The following CD1A variants were observed in gnomAD, a reference collection of about 807,000 sequenced individuals.
CD1A encodes T-cell surface glycoprotein CD1a.
A neutral mutation model predicts 38.3 loss-of-function variants in CD1A; 50 were observed. The ratio of observed to expected loss-of-function variants is 1.30; its 90% CI spans 1.04 to 1.65. CD1A has a LOEUF of 1.65. Among genes scored for constraint, CD1A ranks in the 40% most tolerant of loss-of-function variants. CD1A has a pLI of 0.00. For missense variants in CD1A, 459 were observed against 406.1 expected (o/e 1.13, Z -1.12); for synonymous variants, 160 against 150.8 (o/e 1.06, Z -0.45).
intron 5 of CD1A, 72 bp from the exon 6 acceptor site, chr1:158,257,609 C>G: frequency 1.9e-6 from 3 of 1,570,496 alleles, no homozygotes; most frequent in Non-Finnish European, 2.6e-6. Context: ...TCTCCCCAGT[C>G]CCCTTCCCTC....
At chr1:158,255,387 G>C in intron 2 of CD1A, 37 bp downstream of exon 2, 1 of 1,598,376 alleles carries the variant, frequency 6.3e-7, no homozygotes, top group African/African-American at 1.3e-5. Context: ...TGGTGAGGTG[G>C]GAGAGAGGGG....
Position 158,258,220 on chromosome 1 carries a change from C to A in CD1A, c.*530C>A, listed in dbSNP as rs1338366011. On this transcript the variant is annotated 3_prime_UTR_variant, in exon 6 of 6. Transcript: ENST00000289429. ...TATGCATCCCTGGTGAAGGATCTTG[C>A]CTGCATGAAACATGTTCTCAATAAA... The A allele has an allele frequency of 6.5e-6, 1 of 153,286 alleles. No individual in the cohort carries two copies. Among genetic ancestry groups the A allele is most frequent in the Non-Finnish European group, 1.5e-5 (1 of 68,792 alleles). The allele number at this position is 153,286 out of a possible 1,614,324, so 9.5% of individuals were successfully genotyped here.
chr1:158,253,222 G>A (rs1417107682), upstream of CD1A, among the ~76,000 whole-genome samples: 1 of 152,004 alleles, frequency 6.6e-6, no homozygotes, highest in Admixed American at 6.6e-5. Flanking sequence ...ATATTTAGAA[G>A]CCCTTCAACA....
chr1:158,256,931 G>A lies in CD1A; in HGVS notation c.750G>A (p.Gly250=). The A allele has an allele frequency of 1.2e-6, 2 of 1,614,200 alleles. No homozygotes were observed. The highest frequency in any genetic ancestry group is 1.7e-6 in the Non-Finnish European group (2 of 1,180,040). Reference sequence around the variant, plus strand: ...AGGAGCAGCAGGGCACTCAGCGAGGGGACATCTTGCCCAGTGCTGATGGGA... The same window carrying A: ...AGGAGCAGCAGGGCACTCAGCGAGGAGACATCTTGCCCAGTGCTGATGGGA... ...GEQEQQGTQR[G]DILPSADGTW... Residue 250 remains glycine, a synonymous_variant, in exon 4 of 6, where the codon GGG becomes GGA. Coordinates refer to ENST00000289429, the MANE Select transcript of CD1A (RefSeq NM_001763.3).
Position 158,255,121 on chromosome 1 carries a change from C to G in CD1A, c.96C>G (p.Ile32Met). ...CTCTCTCCTTCCATGTCACCTGGAT[C>G]GCATCCTTTTACAACCATTCCTGGA... ...KEPLSFHVTW[I>M]ASFYNHSWKQ... Residue 32 changes from isoleucine to methionine, a missense_variant, in exon 2 of 6, where the codon ATC becomes ATG. Physicochemically the swap from Ile to Met is conservative, Grantham distance 10. Transcript: ENST00000289429. 6.2e-7 allele frequency: 1 copy of G among 1,614,004 alleles called. No individual in the cohort carries two copies. Among genetic ancestry groups the G allele is most frequent in the African/African-American group, 1.3e-5 (1 of 74,970 alleles).
In CD1A at chr1:158,254,696, A is replaced by G. The variant is rs766985505; in HGVS notation, c.27A>G (p.Leu9=). MLFLLLPL[L]AVLPGDGNAD... The stretch of plus-strand genomic sequence containing the variant: ...TGCTGTTTTTGCTACTTCCATTGTT[A>G]GCTGTTCTCCCAGGTGATGGCAATG... The change falls in exon 1 of 6, where the codon TTA becomes TTG. Residue 9 remains leucine, a synonymous_variant. Coordinates refer to ENST00000289429, the MANE Select transcript of CD1A (RefSeq NM_001763.3). The G allele has an allele frequency of 3.1e-6, 5 of 1,613,838 alleles. No individual in the cohort carries two copies. Among genetic ancestry groups the G allele is most frequent in the Non-Finnish European group, 4.2e-6 (5 of 1,179,956 alleles).
rs1012509994 is a variant in CD1A, at chr1:158,257,006, C to T, written c.825C>T (p.Asp275=). The T allele has an allele frequency of 2.5e-6, 4 of 1,614,028 alleles. No individual in the cohort carries two copies. The African/African-American group carries it at 4.0e-5, about 16-fold the overall frequency. ...TLEVAAGEAA[D]LSCRVKHSSL... The stretch of plus-strand genomic sequence containing the variant: ...AGGTGGCCGCTGGGGAGGCAGCTGA[C>T]CTGTCCTGTCGGGTGAAGCACAGCA... Residue 275 remains aspartate, a synonymous_variant, in exon 4 of 6, where the codon GAC becomes GAT. Coordinates refer to ENST00000289429, the MANE Select transcript of CD1A (RefSeq NM_001763.3).
chr1:158,249,462 A>G (rs993404629), upstream of CD1A, among the ~76,000 whole-genome samples: 13 of 152,076 alleles, frequency 8.5e-5, no homozygotes, highest in African/African-American at 3.1e-4. Context: ...AAGGGAACTG[A>G]TCACATTCAT....
At chr1:158,252,405 C>A (rs1419428888), upstream of CD1A, among the ~76,000 whole-genome samples, 1 of 152,138 alleles carries the variant, frequency 6.6e-6, no homozygotes, top group Non-Finnish European at 1.5e-5. Context: ...TAGCTGAATT[C>A]TTATTCTTAC....
At position 158,256,258 on chromosome 1, in the gene CD1A, G is replaced by A; in HGVS notation, c.580G>A (p.Gly194Arg). The A allele has an allele frequency of 1.2e-6, 2 of 1,613,958 alleles. No individual in the cohort carries two copies. Among genetic ancestry groups the A allele is most frequent in the Non-Finnish European group, 1.7e-6 (2 of 1,179,978 alleles). ...PRFILGLLDAGKAHLQRQVKP... is the reference protein window; with the variant it reads ...PRFILGLLDARKAHLQRQVKP... ...TTTCATCTTGGGTCTTCTTGATGCA[G>A]GAAAGGCACATCTCCAGCGGCAAGG... The change falls in exon 3 of 6, where the codon GGA (glycine) becomes AGA (arginine). Residue 194 changes from glycine (G) to arginine (R), a missense_variant. Coordinates refer to ENST00000289429, the MANE Select transcript of CD1A (RefSeq NM_001763.3).
At chr1:158,255,489 C>A in intron 2 of CD1A, 139 bp downstream of exon 2, 1 of 925,036 alleles carries the variant, frequency 1.1e-6, no homozygotes, top group Non-Finnish European at 1.6e-6. Flanking sequence ...CAATTGCATA[C>A]TTTTGGGCAA....
chr1:158,255,054 C>T (rs375586275), intron 1 of CD1A, 30 bp from the exon 2 acceptor site: 111 of 1,607,328 alleles, frequency 6.9e-5, no homozygotes, highest in Non-Finnish European at 9.2e-5. Context: ...CAATGTCTTT[C>T]TCCCCATTCT....
At position 158,255,260 on chromosome 1, in the gene CD1A, G is replaced by C; in HGVS notation, c.235G>C (p.Glu79Gln). The change falls in exon 2 of 6, where the codon GAG becomes CAG. Residue 79 changes from glutamate to glutamine, a missense_variant. Physicochemically the swap from Glu to Gln is conservative, Grantham distance 29. Transcript: ENST00000289429. Reference sequence around the variant, plus strand: ...GTCCAGGGGAAACTTCAGCAATGAGGAGTGGAAGGAACTGGAAACATTATT... The same window carrying C: ...GTCCAGGGGAAACTTCAGCAATGAGCAGTGGAAGGAACTGGAAACATTATT... Reference protein sequence around the residue: ...PWSRGNFSNEEWKELETLFRI... With the variant: ...PWSRGNFSNEQWKELETLFRI... 6.2e-7 allele frequency: 1 copy of C among 1,614,178 alleles called. No individual in the cohort carries two copies. Among genetic ancestry groups the C allele is most frequent in the Non-Finnish European group, 8.5e-7 (1 of 1,180,024 alleles).
rs778216345 is a variant in CD1A, at chr1:158,256,971, G to C, written c.790G>C (p.Ala264Pro). Residue 264 changes from alanine (A) to proline (P), a missense_variant, in exon 4 of 6, where the codon GCA (alanine) becomes CCA (proline). Physicochemically the swap from Ala to Pro is conservative, Grantham distance 27. Transcript: ENST00000289429. The stretch of plus-strand genomic sequence containing the variant: ...TGCTGATGGGACATGGTATCTCCGC[G>C]CAACCCTGGAGGTGGCCGCTGGGGA... ...PSADGTWYLR[A>P]TLEVAAGEAA... 116 of 1,614,058 alleles carry C rather than the reference G, an allele frequency of 7.2e-5. No homozygotes were observed. Among genetic ancestry groups the C allele is most frequent in the Non-Finnish European group, 9.3e-5 (110 of 1,180,042 alleles).
rs1256198373 is a variant in CD1A, at chr1:158,256,798, C to A, written c.617C>A (p.Ala206Asp). The A allele has an allele frequency of 1.2e-6, 2 of 1,614,006 alleles. No homozygotes were observed. Among genetic ancestry groups the A allele is most frequent in the Non-Finnish European group, 1.7e-6 (2 of 1,179,872 alleles). Reference sequence around the variant, plus strand: ...CTGTCCTTTGCAGTGAAGCCCGAGGCCTGGCTGTCCCATGGCCCCAGTCCT... The same window carrying A: ...CTGTCCTTTGCAGTGAAGCCCGAGGACTGGCTGTCCCATGGCCCCAGTCCT... The part of the protein sequence containing the change: ...AHLQRQVKPE[A>D]WLSHGPSPGP... The change falls in exon 4 of 6, where the codon GCC (alanine) becomes GAC (aspartate). Residue 206 changes from alanine (A) to aspartate (D), a missense_variant. Physicochemically the swap from Ala to Asp is moderately radical, Grantham distance 126. Transcript: ENST00000289429.
chr1:158,252,422 G>A (rs945539339), upstream of CD1A, among the ~76,000 whole-genome samples: 1 of 151,950 alleles, frequency 6.6e-6, no homozygotes. Context: ...TTACTGGCTT[G>A]TATAATATCT....
At chr1:158,251,395 T>C (rs140060335), upstream of CD1A, among the ~76,000 whole-genome samples, 83 of 152,320 alleles carry the variant, frequency 5.4e-4, no homozygotes, top group Non-Finnish European at 1.0e-3. Flanking sequence ...TAACTGGGTT[T>C]GCTGTTTTGC....
chr1:158,257,298 A>C, intron 4 of CD1A, 123 bp from the exon 5 acceptor site: 1 of 968,804 alleles, frequency 1.0e-6, no homozygotes, highest in Non-Finnish European at 1.6e-6. Context: ...ATAGAAAAAA[A>C]GGAGATTGGT....
rs1207703661 is a variant in CD1A at position 158,255,987 on chromosome 1, C to T, written c.326-17C>T. On this transcript the variant is annotated splice_polypyrimidine_tract_variant and intron_variant, in intron 2 of 5. Transcript: ENST00000289429. ...TTATATTTTTTTCTCCCTCTTTCCT[C>T]TATTTCATAACCCCAGATCCTTTTG... 7 of 1,598,366 alleles carry T rather than the reference C, an allele frequency of 4.4e-6. No individual in the cohort carries two copies. The highest frequency in any genetic ancestry group is 1.1e-5 in the South Asian group (1 of 89,076).
Sources: allele counts gnomAD v4.1 joint callset (sites outside exome capture counted in the v4.1 genomes callset), GRCh38; gene constraint gnomAD v4.1.1; transcripts MANE v1.5; gene names NCBI Gene and HGNC (gene_info 2026-07-23, HGNC 2026-07-21).